ANKRD36C: variants seen among roughly 807,000 people sequenced by gnomAD.
The protein encoded by ANKRD36C is ankyrin repeat domain 36C.
In ANKRD36C, 61 loss-of-function variants were observed where a neutral mutation model predicts 276.4. The ratio of observed to expected loss-of-function variants is 0.22; its 90% CI spans 0.18 to 0.27. The LOEUF is 0.27. ANKRD36C is among the 10% of genes least tolerant of loss of function. The probability of loss-of-function intolerance (pLI) is 1.00; values close to 1 mark genes in which losing one functional copy is unlikely to be tolerated. For missense variants in ANKRD36C, 1,447 were observed against 2,032.3 expected, an observed-to-expected ratio of 0.71 and a Z score of 5.54; for synonymous variants, 483 against 680.1, an observed-to-expected ratio of 0.71 and a Z score of 4.51.
chr2:95,985,044 C>T (rs1180985695), intron 3 of ANKRD36C, among the ~76,000 whole-genome samples: 3 of 152,084 alleles, frequency 2.0e-5, no homozygotes, highest in Non-Finnish European at 2.9e-5. Context: ...GAGAGAACCC[C>T]GCTTTTAATA....
At chr2:95,872,339 A>C (rs1675833169) in intron 59 of ANKRD36C, among the ~76,000 whole-genome samples, 1 of 151,604 alleles carries the variant, frequency 6.6e-6, no homozygotes, top group South Asian at 2.1e-4. Flanking sequence ...GTGCAATCAA[A>C]CTAGAACTCA....
chr2:95,947,031 TAA>T (rs1233510442), intron 17 of ANKRD36C, among the ~76,000 whole-genome samples: 1 of 151,590 alleles, frequency 6.6e-6, no homozygotes, highest in African/African-American at 2.4e-5. Flanking sequence ...TAAAGTATAA[TAA>T]TATAAAAAAA....
intron 57 of ANKRD36C, 27 bp from the exon 78 acceptor site, chr2:95,880,526 T>G: frequency 1.3e-6 from 2 of 1,539,780 alleles, no homozygotes; most frequent in Non-Finnish European, 1.8e-6. Flanking sequence ...ACAAAGTGAT[T>G]AGCACATGAT....
rs184970998 is a variant in ANKRD36C, at chr2:95,974,535, C to T, written c.799+3587G>A. On this transcript the variant is annotated intron_variant, in intron 6 of 66. Coordinates refer to ENST00000456556, the Ensembl canonical transcript of ANKRD36C. ...ACAAGAGGTCATGAAAAGGGAATTG[C>T]ACTAAAACAAAGTGTCCCAGAACAC... Among the ~76,000 whole-genome samples, 582 of 152,218 alleles carry T rather than the reference C, an allele frequency of 3.8e-3. 4 individuals are homozygous for T. The highest frequency in any genetic ancestry group is 0.031 in the Middle Eastern group (9 of 292).
At chr2:95,857,845 C>G (rs4482530) in intron 61 of ANKRD36C, among the ~76,000 whole-genome samples, 93,408 of 138,176 alleles carry the variant, frequency 0.68, 34,736 homozygotes, top group Non-Finnish European at 0.85. Flanking sequence ...TCAGCTGAGA[C>G]CCAGGCACCC....
intron 6 of ANKRD36C, among the ~76,000 whole-genome samples, chr2:95,964,825 ATG>A (rs2104512180): frequency 6.6e-6 from 1 of 152,232 alleles, no homozygotes; most frequent in East Asian, 1.9e-4. Flanking sequence ...CTTCCAGGAT[ATG>A]AACCCTTTCA....
chr2:95,889,536 C>T (rs901103334), intron 48 of ANKRD36C, among the ~76,000 whole-genome samples: 3 of 151,514 alleles, frequency 2.0e-5, no homozygotes, highest in Non-Finnish European at 3.0e-5. Context: ...ATGATGCTGT[C>T]CCCTGAGCCT....
intron 42 of ANKRD36C, among the ~76,000 whole-genome samples, chr2:95,902,558 T>C (rs1676685111): frequency 6.7e-6 from 1 of 150,326 alleles, no homozygotes; most frequent in Non-Finnish European, 1.5e-5. Context: ...AATTCTATAC[T>C]TCCTCTCTTT....
intron 24 of ANKRD36C, among the ~76,000 whole-genome samples, chr2:95,929,769 C>T (rs1677516039): frequency 6.6e-6 from 1 of 151,342 alleles, no homozygotes; most frequent in Non-Finnish European, 1.5e-5. Flanking sequence ...GAAATCTCTT[C>T]AGTGGAAGTG....
At chr2:95,888,221 A>G (rs1461792451) in intron 48 of ANKRD36C, 101 bp from the exon 69 acceptor site, 171 of 1,567,488 alleles carry the variant, frequency 1.1e-4, no homozygotes, top group Non-Finnish European at 1.4e-4. Context: ...TCCTGCCTGT[A>G]TTAGTATAGG....
intron 1 of ANKRD36C, 146 bp from the exon 2 acceptor site, chr2:95,987,352 C>G: frequency 7.5e-7 from 1 of 1,330,846 alleles, no homozygotes; most frequent in South Asian, 1.6e-5. Context: ...AAAGAGCAGG[C>G]TATTTAATAG....
chr2:95,969,909 TTATAGA>T (rs1460870471), intron 6 of ANKRD36C, among the ~76,000 whole-genome samples: 2 of 151,698 alleles, frequency 1.3e-5, no homozygotes, highest in African/African-American at 2.4e-5. Flanking sequence ...TTAAATTTTA[TTATAGA>T]TATATATATA....
intron 44 of ANKRD36C, among the ~76,000 whole-genome samples, 196 bp from the exon 63 acceptor site, chr2:95,893,920 A>G (rs567767334): frequency 2.1e-4 from 32 of 151,576 alleles, no homozygotes; most frequent in African/African-American, 6.0e-4. Flanking sequence ...CATGAAATAT[A>G]CCCTTGCAAT....
intron 59 of ANKRD36C, among the ~76,000 whole-genome samples, chr2:95,875,745 G>A (rs576260833): frequency 2.1e-4 from 32 of 152,188 alleles, no homozygotes; most frequent in African/African-American, 7.7e-4. Flanking sequence ...ATTGTAATAT[G>A]ATTGACAGTG....
intron 34 of ANKRD36C, among the ~76,000 whole-genome samples, chr2:95,918,423 G>A (rs1038806204): frequency 1.3e-5 from 2 of 151,554 alleles, no homozygotes; most frequent in African/African-American, 4.8e-5. Flanking sequence ...TTTCATGCAG[G>A]AAATCAAAAG....
chr2:95,853,156 G>T (rs1184883613), intron 64 of ANKRD36C: 1 of 154,034 alleles, frequency 6.5e-6, no homozygotes, highest in Admixed American at 6.5e-5. Flanking sequence ...AATACAAAAG[G>T]AGTAACGATT....
At chr2:95,924,620 T>C (rs535606255) in intron 30 of ANKRD36C, among the ~76,000 whole-genome samples, 35 of 151,788 alleles carry the variant, frequency 2.3e-4, no homozygotes, top group Admixed American at 1.4e-3. Flanking sequence ...AAAGCTAATA[T>C]AGTCGTATTA....
At chr2:95,868,838 T>A (rs1185349162) in intron 59 of ANKRD36C, among the ~76,000 whole-genome samples, 1 of 152,016 alleles carries the variant, frequency 6.6e-6, no homozygotes, top group Non-Finnish European at 1.5e-5. Context: ...CAAGCAGTTT[T>A]GTAATTTTCA....
chr2:95,903,197 G>A, intron 42 of ANKRD36C, 116 bp from the exon 53 acceptor site: 3 of 1,480,580 alleles, frequency 2.0e-6, no homozygotes. Flanking sequence ...CGTAGGCTTT[G>A]ATGGCTTCTA....
Sources: gnomAD v4.1 joint callset for allele counts (sites outside exome capture counted in the v4.1 genomes callset) on GRCh38, gnomAD v4.1.1 for gene constraint, MANE v1.5 for transcripts, NCBI Gene and HGNC (gene_info 2026-07-23, HGNC 2026-07-21) for gene names.